Variants in DNHD1 observed in about 807,000 individuals in gnomAD.
DNHD1 encodes dynein heavy chain domain 1, also known as dynein heavy chain domain-containing protein 1.
Under a neutral mutation model 458.1 loss-of-function variants are expected in DNHD1, and 383 were observed. The observed-to-expected ratio is 0.84, with a 90% CI of 0.77 to 0.91. The LOEUF (loss-of-function observed/expected upper bound fraction) is 0.91, where lower values mean the gene tolerates loss of function less well. DNHD1 is among the 40% of genes least tolerant of loss of function. The pLI is 0.00. For synonymous variants in DNHD1, 2,203 were observed against 2,376.9 expected, an observed-to-expected ratio of 0.93 and a Z score of 2.13; for missense variants, 5,336 against 5,866.1, an observed-to-expected ratio of 0.91 and a Z score of 2.95.
Position 6,545,060 on chromosome 11 carries a change from G to T in DNHD1, c.4121G>T (p.Arg1374Leu). 1 of 1,551,840 alleles carries T rather than the reference G, an allele frequency of 6.4e-7. No homozygotes were observed. The highest frequency in any genetic ancestry group is 8.7e-7 in the Non-Finnish European group (1 of 1,147,018). The change falls in exon 21 of 43, where the codon CGA becomes CTA. Residue 1374 changes from arginine to leucine, a missense_variant. Physicochemically the swap from Arg to Leu is moderately radical, Grantham distance 102 (BLOSUM62 -2). Around this residue, in one of 4 missense-constraint regions of DNHD1, gnomAD observed 3,932 missense variants for 4,365.6 expected, o/e 0.90. Transcript: ENST00000254579. This position sits in a 1 kb window ranked among gnomAD's most constrained non-coding sequence, Gnocchi z 4.9. ...DSELVALLAA[R>L]LESCEAQLWV... Reference sequence around the variant, plus strand: ...GAGCTGGTAGCCCTGCTGGCTGCTCGACTGGAATCATGCGAAGCCCAGCTA... The same window carrying T: ...GAGCTGGTAGCCCTGCTGGCTGCTCTACTGGAATCATGCGAAGCCCAGCTA...
At chr11:6,521,807 C>T (rs1852610447) in intron 10 of DNHD1, among the ~76,000 whole-genome samples, 1 of 152,202 alleles carries the variant, frequency 6.6e-6, no homozygotes, top group Non-Finnish European at 1.5e-5. Flanking sequence ...GCCTCAACCT[C>T]CTGGGCTCAA....
At chr11:6,519,941 C>G (rs555131212) in intron 8 of DNHD1, 24 bp from the exon 9 acceptor site, 2 of 1,613,944 alleles carry the variant, frequency 1.2e-6, no homozygotes, top group Non-Finnish European at 1.7e-6. Flanking sequence ...GCCCCTCGAC[C>G]TTTCCTGACC....
At chr11:6,510,277 G>A (rs550346362) in intron 6 of DNHD1, among the ~76,000 whole-genome samples, 9 of 152,026 alleles carry the variant, frequency 5.9e-5, no homozygotes, top group African/African-American at 1.9e-4. Context: ...TAGAGATAAG[G>A]TTTCGCCATG....
chr11:6,498,824 G>C lies in DNHD1; in HGVS notation c.609G>C (p.Gln203His). 6.2e-7 allele frequency: 1 copy of C among 1,614,244 alleles called. No homozygotes were observed. Among genetic ancestry groups the C allele is most frequent in the Non-Finnish European group, 8.5e-7 (1 of 1,180,048 alleles). ...LQRCLGIVGA[Q>H]VALEEAVWLD... ...GCTGCCTGGGCATTGTTGGTGCTCA[G>C]GTGGCCCTAGAAGAGGCTGTGTGGC... The change falls in exon 3 of 43, where the codon CAG becomes CAC. Residue 203 changes from glutamine to histidine, a missense_variant. Physicochemically the swap from Gln to His is conservative, Grantham distance 24. Coordinates refer to ENST00000254579, the MANE Select transcript of DNHD1 (RefSeq NM_144666.3).
chr11:6,530,810 G>A (rs1358822371), intron 12 of DNHD1, among the ~76,000 whole-genome samples: 3 of 144,954 alleles, frequency 2.1e-5, no homozygotes, highest in Admixed American at 7.0e-5. Flanking sequence ...CTCTCTGGCC[G>A]TGTTTTGGTC....
intron 24 of DNHD1, among the ~76,000 whole-genome samples, chr11:6,556,350 T>A (rs1404535755): frequency 6.6e-6 from 1 of 152,270 alleles, no homozygotes; most frequent in Non-Finnish European, 1.5e-5. Flanking sequence ...GCTTTCCTGC[T>A]AATTGTGATC....
chr11:6,509,062 T>G lies in DNHD1; in HGVS notation c.1103T>G (p.Leu368Arg). ...TTCATTCCATTCTTTAAGTATTGCCTCTTACGCAAGTCCTTTACCTGGTAG... is the reference window on the plus strand; with the variant it reads ...TTCATTCCATTCTTTAAGTATTGCCGCTTACGCAAGTCCTTTACCTGGTAG... ...LQFIPFFKYC[L>R]LRKSFTCWKK... Residue 368 changes from leucine (L) to arginine (R), a missense_variant, in exon 5 of 43, where the codon CTC becomes CGC. Coordinates refer to ENST00000254579, the MANE Select transcript of DNHD1 (RefSeq NM_144666.3). The G allele has an allele frequency of 6.2e-7, 1 of 1,614,216 alleles. No homozygotes were observed. Among genetic ancestry groups the G allele is most frequent in the South Asian group, 1.1e-5 (1 of 91,078 alleles).
In DNHD1 at chr11:6,546,371, G is replaced by A; in HGVS notation, c.5432G>A (p.Ser1811Asn). 1 of 1,552,150 alleles carries A rather than the reference G, an allele frequency of 6.4e-7. No individual in the cohort carries two copies. Among genetic ancestry groups the A allele is most frequent in the Non-Finnish European group, 8.7e-7 (1 of 1,147,084 alleles). Residue 1811 changes from serine (S) to asparagine (N), a missense_variant, in exon 21 of 43, where the codon AGC becomes AAC. Physicochemically the swap from Ser to Asn is conservative, Grantham distance 46. This residue lies in a region of DNHD1 where 3,932 missense variants were observed against 4,365.6 expected (regional missense o/e 0.90). Coordinates refer to ENST00000254579, the MANE Select transcript of DNHD1 (RefSeq NM_144666.3). ...YGCLLVLRAL[S>N]SAVPANLHLL... ...TGTCTCCTGGTACTGCGTGCCCTGA[G>A]CTCTGCTGTGCCTGCCAACCTGCAC...
At position 6,564,345 on chromosome 11, in the gene DNHD1, C is replaced by T. The variant is rs189157296; in HGVS notation, c.10297C>T (p.Arg3433Cys). ...CCTTCCACTCCAGAAGCTGAAGGGA[C>T]GCTGCATGACTGTGTTTGGAGATAC... Reference protein sequence around the residue: ...WTTQLQKLKGRCMTVFGDTLL... With the variant: ...WTTQLQKLKGCCMTVFGDTLL... Residue 3433 changes from arginine (R) to cysteine (C), a missense_variant, in exon 32 of 43, where the codon CGC becomes TGC. This residue lies in a region of DNHD1 where 3,932 missense variants were observed against 4,365.6 expected (regional missense o/e 0.90). Transcript: ENST00000254579. The T allele has an allele frequency of 4.0e-5, 61 of 1,535,414 alleles. 1 individual carries two copies. The highest frequency in any genetic ancestry group is 3.4e-4 in the Middle Eastern group (2 of 5,940).
rs61568888 is a variant in DNHD1, at chr11:6,531,228, C to T, written c.2348-1799C>T. Among the ~76,000 whole-genome samples, 617 of 152,260 alleles carry T rather than the reference C, an allele frequency of 4.1e-3. 6 individuals are homozygous for T. The highest frequency in any genetic ancestry group is 0.013 in the African/African-American group (559 of 41,564). On this transcript the variant is annotated intron_variant, in intron 12 of 42. Transcript: ENST00000254579. The stretch of plus-strand genomic sequence containing the variant: ...GTCGTTTCTCTTCTTCCTGAACTCC[C>T]TTGAACAACAAATGGCGTAATTATA...
At chr11:6,569,881 T>C in intron 39 of DNHD1, 128 bp from the exon 40 acceptor site, 1 of 688,594 alleles carries the variant, frequency 1.5e-6, no homozygotes, top group Non-Finnish European at 2.5e-6. Context: ...TGAAAGCAAG[T>C]TGTATTTGAG....
chr11:6,570,580 G>T (rs118142577), intron 41 of DNHD1, 38 bp from the exon 42 acceptor site: 2 of 1,541,986 alleles, frequency 1.3e-6, no homozygotes, highest in South Asian at 1.3e-5. Flanking sequence ...GGTGGGGAGA[G>T]TCCATCTTGT....
rs1323222022 is a variant in DNHD1, at chr11:6,565,716, AAAAG to A, written c.10780_10783del (p.Lys3594GlufsTer7). The A allele has an allele frequency of 1.9e-6, 3 of 1,548,866 alleles. No individual in the cohort carries two copies. The Admixed American group carries it at 5.9e-5, about 31-fold the overall frequency. ...CCAGGGAAAGGCCTCATGAGAAATC[AAAAG>A]AGAGAGAGTAAAACGGACATGAAAG... On this transcript the variant is annotated frameshift_variant, in exon 33 of 43. Coordinates refer to ENST00000254579, the MANE Select transcript of DNHD1 (RefSeq NM_144666.3). LOFTEE classifies it high-confidence loss of function.
intron 13 of DNHD1, among the ~76,000 whole-genome samples, chr11:6,533,405 C>T (rs1192195307): frequency 6.6e-6 from 1 of 152,198 alleles, no homozygotes; most frequent in Non-Finnish European, 1.5e-5. Context: ...GAGTTGTGCT[C>T]TCTGTGACAG....
intron 7 of DNHD1, among the ~76,000 whole-genome samples, chr11:6,517,609 T>A (rs1589870944): frequency 7.4e-6 from 1 of 136,054 alleles, no homozygotes. Context: ...CTAAGTGAAA[T>A]AAGCCAGACA....
Position 6,564,670 on chromosome 11 carries a change from T to C in DNHD1, c.10622T>C (p.Leu3541Pro). 1 of 1,551,730 alleles carries C rather than the reference T, an allele frequency of 6.4e-7. No homozygotes were observed. The highest frequency in any genetic ancestry group is 8.7e-7 in the Non-Finnish European group (1 of 1,147,006). ...TCGGCCCACCTGGCAGGCTTGCTTC[T>C]GCGAAGCCCCACACACTACAGTAGT... ...AKSAHLAGLLLRSPTHYSSCR... is the reference protein window; with the variant it reads ...AKSAHLAGLLPRSPTHYSSCR... Residue 3541 changes from leucine to proline, a missense_variant, in exon 32 of 43, where the codon CTG becomes CCG. Physicochemically the swap from Leu to Pro is moderately conservative, Grantham distance 98 (BLOSUM62 -3). Around this residue, in one of 4 missense-constraint regions of DNHD1, gnomAD observed 3,932 missense variants for 4,365.6 expected, o/e 0.90. Transcript: ENST00000254579.
In DNHD1 at chr11:6,565,709, A is replaced by G; in HGVS notation, c.10771A>G (p.Arg3591Gly). 1 of 1,547,708 alleles carries G rather than the reference A, an allele frequency of 6.5e-7. No individual in the cohort carries two copies. Among genetic ancestry groups the G allele is most frequent in the East Asian group, 2.4e-5 (1 of 40,908 alleles). Reference sequence around the variant, plus strand: ...TTCTGCCCCAGGGAAAGGCCTCATGAGAAATCAAAAGAGAGAGAGTAAAAC... The same window carrying G: ...TTCTGCCCCAGGGAAAGGCCTCATGGGAAATCAAAAGAGAGAGAGTAAAAC... ...LTEGRGKGLM[R>G]NQKRESKTDM... is the part of the protein sequence containing the mutation. The change falls in exon 33 of 43, where the codon AGA (arginine) becomes GGA (glycine). Residue 3591 changes from arginine (R) to glycine (G), a missense_variant. By Grantham distance (125) the Arg-to-Gly change is moderately radical (BLOSUM62 -2). Transcript: ENST00000254579.
intron 18 of DNHD1, among the ~76,000 whole-genome samples, chr11:6,541,938 A>C (rs73407175): frequency 2.4e-3 from 360 of 152,328 alleles, no homozygotes; most frequent in African/African-American, 8.3e-3. Flanking sequence ...AACTGGTTCA[A>C]CTTCTGCATA....
Position 6,538,824 on chromosome 11 carries a change from A to G in DNHD1, c.3325+14A>G. 2 of 1,482,704 alleles carry G rather than the reference A, an allele frequency of 1.3e-6. No individual in the cohort carries two copies. The highest frequency in any genetic ancestry group is 1.8e-6 in the Non-Finnish European group (2 of 1,108,504). The allele number at this position is 1,482,704 out of a possible 1,614,324, so 91.8% of individuals were successfully genotyped here. On this transcript the variant is annotated intron_variant, in intron 16 of 42. Transcript: ENST00000254579. ...GTCTCCTGCGTGGTATGTTTGGTTA[A>G]TGTCAGAGGAGGGGGAAAGGGAAAT...
Sources: allele counts gnomAD v4.1 joint callset (sites outside exome capture counted in the v4.1 genomes callset), GRCh38; gene constraint gnomAD v4.1.1; regional missense constraint gnomAD v4.1.1; non-coding constraint Gnocchi (gnomAD v3.1); transcripts MANE v1.5; gene names NCBI Gene and HGNC (gene_info 2026-07-23, HGNC 2026-07-21).